Variants in GUCY1A1 observed in about 807,000 individuals in gnomAD.
GUCY1A1 encodes the protein guanylate cyclase soluble subunit alpha-1.
A neutral mutation model predicts 64.5 loss-of-function variants in GUCY1A1; 48 were observed. The ratio of observed to expected loss-of-function variants is 0.74; its 90% CI spans 0.59 to 0.95. GUCY1A1 has a LOEUF of 0.95. GUCY1A1 is among the 40% of genes least tolerant of loss of function. GUCY1A1 has a pLI of 0.00. For missense variants in GUCY1A1, 804 were observed against 825.3 expected (o/e 0.97, Z 0.32); for synonymous variants, 308 against 303.4 (o/e 1.02, Z -0.16).
At position 155,730,498 on chromosome 4, in the gene GUCY1A1, A is replaced by G; in HGVS notation, c.*267A>G. The G allele has an allele frequency of 3.4e-6, 1 of 298,192 alleles. No individual in the cohort carries two copies. The highest frequency in any genetic ancestry group is 6.3e-6 in the Non-Finnish European group (1 of 158,714). 18.5% of individuals were successfully genotyped at this position (298,192 alleles called of 1,614,324 possible). The stretch of plus-strand genomic sequence containing the variant: ...AACCAGCACTTACTACCTGTACTCA[A>G]AATTCAGCACCTTGTACATATATCA... On this transcript the variant is annotated 3_prime_UTR_variant, in exon 10 of 10. Coordinates refer to ENST00000506455, the MANE Select transcript of GUCY1A1 (RefSeq NM_001130682.3).
chr4:155,674,016 C>T (rs1734516505), intron 2 of GUCY1A1, among the ~76,000 whole-genome samples: 3 of 151,436 alleles, frequency 2.0e-5, no homozygotes, highest in African/African-American at 4.9e-5. Flanking sequence ...ATTTTATACA[C>T]AGTCATCTAA....
intron 2 of GUCY1A1, among the ~76,000 whole-genome samples, chr4:155,680,946 C>CACAT (rs771163937): frequency 3.7e-5 from 5 of 134,888 alleles, no homozygotes; most frequent in African/African-American, 1.3e-4. Context: ...CACACACACA[C>CACAT]ATGCACACAC....
At chr4:155,682,659 G>A (rs1182140445) in intron 2 of GUCY1A1, among the ~76,000 whole-genome samples, 1 of 139,194 alleles carries the variant, frequency 7.2e-6, no homozygotes, top group Non-Finnish European at 1.6e-5. Context: ...GCAATAGAGT[G>A]AGACTCCATC....
intron 8 of GUCY1A1, 104 bp downstream of exon 8, chr4:155,717,406 G>A: frequency 2.8e-6 from 2 of 709,580 alleles, no homozygotes; most frequent in Non-Finnish European, 4.1e-6. Context: ...GAGAGAGAGA[G>A]AGAAAGCAAA....
At chr4:155,715,745 G>A (rs1006241910) in intron 7 of GUCY1A1, among the ~76,000 whole-genome samples, 3 of 152,158 alleles carry the variant, frequency 2.0e-5, no homozygotes, top group Non-Finnish European at 4.4e-5. Flanking sequence ...AAGCTTATGG[G>A]TGGCATTGCC....
rs930222646 is a variant in GUCY1A1 at position 155,711,369 on chromosome 4, A to G, written c.1086+118A>G. ...TGTTTGATAAAACATATGTAAAACA[A>G]TGGTAAAAGAATTGTAAAGCTGTAA... On this transcript the variant is annotated intron_variant, in intron 6 of 9. Transcript: ENST00000506455. The G allele has an allele frequency of 5.3e-6, 3 of 569,218 alleles. No homozygotes were observed. The African/African-American group carries it at 5.6e-5, about 11-fold the overall frequency. The allele number at this position is 569,218 out of a possible 1,614,324, so 35.3% of individuals were successfully genotyped here.
chr4:155,689,642 A>G (rs192026010), intron 2 of GUCY1A1, among the ~76,000 whole-genome samples: 1 of 152,310 alleles, frequency 6.6e-6, no homozygotes. Flanking sequence ...CTATTATTTC[A>G]AAGATGCCAC....
intron 2 of GUCY1A1, among the ~76,000 whole-genome samples, chr4:155,685,263 T>C (rs955746800): frequency 2.0e-5 from 3 of 152,218 alleles, no homozygotes; most frequent in Non-Finnish European, 4.4e-5. Context: ...AACAGCTCTT[T>C]AAAGCAGGAG....
rs150222748 is a variant in GUCY1A1, at chr4:155,688,793, A to C, written c.-112-7963A>C. 1.6e-3 allele frequency among the ~76,000 whole-genome samples: 241 copies of C among 151,784 alleles called. 2 individuals carry two copies. In the South Asian group the frequency reaches 0.023, roughly 14 times the overall value. On this transcript the variant is annotated intron_variant, in intron 2 of 9. Coordinates refer to ENST00000506455, the MANE Select transcript of GUCY1A1 (RefSeq NM_001130682.3). ...AGCACTAACAAAAGCAAAAAAGAAA[A>C]AAAACAAAACAAAACAAAATCCCCA...
intron 2 of GUCY1A1, among the ~76,000 whole-genome samples, chr4:155,687,555 T>C (rs1333007544): frequency 6.6e-6 from 1 of 152,246 alleles, no homozygotes; most frequent in Non-Finnish European, 1.5e-5. Flanking sequence ...GCATTTGTGA[T>C]AGTCAACATG....
chr4:155,678,901 A>G (rs1436693660), intron 2 of GUCY1A1, among the ~76,000 whole-genome samples: 1 of 152,242 alleles, frequency 6.6e-6, no homozygotes, highest in Non-Finnish European at 1.5e-5. Flanking sequence ...TTTAATAACT[A>G]ATAATATTGA....
At chr4:155,704,271 A>T (rs1017182737) in intron 4 of GUCY1A1, among the ~76,000 whole-genome samples, 1 of 152,204 alleles carries the variant, frequency 6.6e-6, no homozygotes, top group Non-Finnish European at 1.5e-5. Flanking sequence ...TTTCAGAGCC[A>T]TTATTTTAAG....
At chr4:155,715,319 T>C (rs1322337331) in intron 7 of GUCY1A1, among the ~76,000 whole-genome samples, 2 of 152,198 alleles carry the variant, frequency 1.3e-5, no homozygotes, top group Admixed American at 6.5e-5. Context: ...CGTTATTTAT[T>C]CCAAGACTGG....
Position 155,730,121 on chromosome 4 carries a change from C to G in GUCY1A1, c.1963C>G (p.His655Asp). The G allele has an allele frequency of 6.2e-7, 1 of 1,611,252 alleles. No homozygotes were observed. The change falls in exon 10 of 10, where the codon CAT becomes GAT. Residue 655 changes from histidine (H) to aspartate (D), a missense_variant. Coordinates refer to ENST00000506455, the MANE Select transcript of GUCY1A1 (RefSeq NM_001130682.3). ...NFPSEIPGIC[H>D]FLDAYQQGTN... ...CCCTAGTGAAATCCCCGGAATCTGC[C>G]ATTTTCTGGATGCTTACCAACAAGG...
chr4:155,713,596 C>T lies in GUCY1A1; in HGVS notation c.1572+13C>T. The T allele has an allele frequency of 6.2e-7, 1 of 1,604,618 alleles. No individual in the cohort carries two copies. The highest frequency in any genetic ancestry group is 8.5e-7 in the Non-Finnish European group (1 of 1,172,752). On this transcript the variant is annotated intron_variant, in intron 7 of 9. Coordinates refer to ENST00000506455, the MANE Select transcript of GUCY1A1 (RefSeq NM_001130682.3). ...GGATGTCTACAAGGTAGGAGTGGAC[C>T]AGGGAAATAATTGTTTTACCAGCAA...
At chr4:155,694,275 G>A (rs1259984832) in intron 2 of GUCY1A1, among the ~76,000 whole-genome samples, 2 of 152,054 alleles carry the variant, frequency 1.3e-5, no homozygotes, top group East Asian at 3.9e-4. Flanking sequence ...AGGCACAGTG[G>A]CTCATGCCTG....
chr4:155,691,364 A>T (rs1200312761), intron 2 of GUCY1A1, among the ~76,000 whole-genome samples: 1 of 152,210 alleles, frequency 6.6e-6, no homozygotes, highest in African/African-American at 2.4e-5. Flanking sequence ...CCACAGGGAA[A>T]GTTCTATAAA....
chr4:155,701,533 T>G (rs1731082015), intron 3 of GUCY1A1, among the ~76,000 whole-genome samples: 1 of 152,156 alleles, frequency 6.6e-6, no homozygotes, highest in Non-Finnish European at 1.5e-5. Flanking sequence ...CCCAATGGCT[T>G]AATCAGAGAC....
At chr4:155,695,347 TA>T (rs57848169) in intron 2 of GUCY1A1, among the ~76,000 whole-genome samples, 1,984 of 138,430 alleles carry the variant, frequency 0.014, 38 homozygotes, top group African/African-American at 0.046. Flanking sequence ...GCATAGAAAA[TA>T]AAAAAAAAAA....
Sources: gnomAD v4.1 joint callset for allele counts (sites outside exome capture counted in the v4.1 genomes callset) on GRCh38, gnomAD v4.1.1 for gene constraint, MANE v1.5 for transcripts, NCBI Gene and HGNC (gene_info 2026-07-23, HGNC 2026-07-21) for gene names.